DAB1: variants seen among roughly 807,000 people sequenced by gnomAD.
DAB1 encodes DAB adaptor protein 1, also known as disabled homolog 1.
In DAB1, 15 loss-of-function variants were observed where a neutral mutation model predicts 64.6. The observed-to-expected ratio is 0.23, with a 90% CI of 0.16 to 0.36. The LOEUF (loss-of-function observed/expected upper bound fraction) is 0.36. Ranked by LOEUF, DAB1 falls within the 10% of genes least tolerant of loss-of-function variation. The probability of loss-of-function intolerance (pLI) is 1.00; values close to 1 mark genes in which losing one functional copy is unlikely to be tolerated. For synonymous variants in DAB1, 235 were observed against 251.9 expected (o/e 0.93, Z 0.64); for missense variants, 596 against 706.7 (o/e 0.84, Z 1.78).
At chr1:57,360,839 G>A (rs1374988283) in intron 1 of DAB1, among the ~76,000 whole-genome samples, 2 of 152,094 alleles carry the variant, frequency 1.3e-5, no homozygotes, top group Non-Finnish European at 2.9e-5. Flanking sequence ...TGAAATACAT[G>A]AGCACCGGCC....
At chr1:57,553,604 T>C (rs1385974115) in intron 7 of DAB1, among the ~76,000 whole-genome samples, 1 of 151,550 alleles carries the variant, frequency 6.6e-6, no homozygotes, top group Non-Finnish European at 1.5e-5. Flanking sequence ...CCAGAAGACC[T>C]AAACTGCAGT....
chr1:57,133,408 A>T (rs553983841), intron 4 of DAB1, among the ~76,000 whole-genome samples: 12 of 152,334 alleles, frequency 7.9e-5, no homozygotes, highest in African/African-American at 2.2e-4. Context: ...AGGGACACTC[A>T]CAGAACCTCA....
chr1:57,763,513 G>GA, intron 6 of DAB1, among the ~76,000 whole-genome samples: 1 of 151,942 alleles, frequency 6.6e-6, no homozygotes, highest in South Asian at 2.1e-4. Flanking sequence ...TGTTTCTACA[G>GA]AAAAAGGAAA....
chr1:57,445,919 A>AG (rs1221868251), intron 7 of DAB1, among the ~76,000 whole-genome samples: 1 of 152,178 alleles, frequency 6.6e-6, no homozygotes, highest in Admixed American at 6.5e-5. Context: ...ATGAAAAAAA[A>AG]CTGCATCTAT....
chr1:58,065,999 A>C (rs1421928246), intron 5 of DAB1, among the ~76,000 whole-genome samples: 1 of 152,230 alleles, frequency 6.6e-6, no homozygotes, highest in Non-Finnish European at 1.5e-5. Flanking sequence ...GCACTCTCAG[A>C]GGCTGGACCA....
At chr1:58,175,987 C>G (rs141801665) in intron 4 of DAB1, among the ~76,000 whole-genome samples, 1 of 152,330 alleles carries the variant, frequency 6.6e-6, no homozygotes, top group East Asian at 1.9e-4. Context: ...GATGGAAGAT[C>G]TAATAGCACT....
intron 5 of DAB1, among the ~76,000 whole-genome samples, chr1:58,068,418 C>A (rs181597419): frequency 2.6e-5 from 4 of 152,280 alleles, no homozygotes; most frequent in Non-Finnish European, 5.9e-5. Flanking sequence ...AAAAAGATGT[C>A]TGTTTGGATT....
chr1:57,697,422 TAAAAAAAAAA>T (rs56655539), intron 6 of DAB1, among the ~76,000 whole-genome samples: 3 of 57,870 alleles, frequency 5.2e-5, no homozygotes, highest in Admixed American at 2.4e-4. Context: ...CTCACGTTTC[TAAAAAAAAAA>T]AAAAAAAAAA....
chr1:58,429,237 A>T (rs1644847416), intron 3 of DAB1, among the ~76,000 whole-genome samples: 1 of 152,204 alleles, frequency 6.6e-6, no homozygotes, highest in Admixed American at 6.5e-5. Flanking sequence ...TCTCTAAAAA[A>T]AATTGTTTGT....
At chr1:57,706,221 T>C (rs1646965416) in intron 6 of DAB1, among the ~76,000 whole-genome samples, 3 of 152,068 alleles carry the variant, frequency 2.0e-5, no homozygotes, top group Admixed American at 6.6e-5. Flanking sequence ...TGTTAATATT[T>C]ACTCTTCCTT....
chr1:57,119,477 T>G (rs992190896), intron 4 of DAB1, among the ~76,000 whole-genome samples: 1 of 152,152 alleles, frequency 6.6e-6, no homozygotes, highest in African/African-American at 2.4e-5. Context: ...CCCTGACAGT[T>G]ATTCATACTA....
At chr1:57,749,634 C>T (rs1195640470) in intron 6 of DAB1, among the ~76,000 whole-genome samples, 1 of 152,028 alleles carries the variant, frequency 6.6e-6, no homozygotes, top group Non-Finnish European at 1.5e-5. Context: ...ATTTTAGTGG[C>T]CCCTTAATCC....
At chr1:58,353,055 T>C (rs955533954) in intron 3 of DAB1, among the ~76,000 whole-genome samples, 1 of 152,130 alleles carries the variant, frequency 6.6e-6, no homozygotes, top group Non-Finnish European at 1.5e-5. Context: ...AATGCCACTG[T>C]CTGGAGTTAT....
At chr1:57,361,677 G>A (rs1170618816) in intron 1 of DAB1, among the ~76,000 whole-genome samples, 1 of 151,994 alleles carries the variant, frequency 6.6e-6, no homozygotes, top group African/African-American at 2.4e-5. Flanking sequence ...TAAGACTTCT[G>A]TATTTCTGCC....
In DAB1 at chr1:57,553,432, A is replaced by AAG. The variant is rs1382935207; in HGVS notation, n.625+96158_625+96159dup. ...AAAGAAAGAAAGAAAGAAAGAAAGA[A>AAG]AGAAAGAAAGAGAAAGAAAGAAAGA... On this transcript the variant is annotated intron_variant and non_coding_transcript_variant, in intron 7 of 20. Coordinates refer to the DAB1 transcript ENST00000485760. Among the ~76,000 whole-genome samples the AAG allele has an allele frequency of 3.5e-3, 61 of 17,448 alleles. 4 individuals carry two copies. Among genetic ancestry groups the AAG allele is most frequent in the Non-Finnish European group, 0.013 (20 of 1,542 alleles). 11.4% of individuals were successfully genotyped at this position (17,448 alleles called of 152,430 possible). A position where few individuals can be genotyped will look rare whatever the true frequency, so the allele number is the denominator to read the frequency against.
At chr1:57,782,949 T>A (rs1430477298) in intron 6 of DAB1, among the ~76,000 whole-genome samples, 1 of 152,020 alleles carries the variant, frequency 6.6e-6, no homozygotes, top group Admixed American at 6.6e-5. Context: ...TTAGCATGAA[T>A]GGTTGAAAAT....
intron 5 of DAB1, among the ~76,000 whole-genome samples, chr1:57,933,399 C>A (rs957988867): frequency 1.3e-5 from 2 of 151,692 alleles, no homozygotes; most frequent in African/African-American, 4.9e-5. Context: ...AAGCTTCTCA[C>A]ATGCCAGTAG....
chr1:58,186,530 C>A (rs1466466885), intron 4 of DAB1, among the ~76,000 whole-genome samples: 2 of 151,650 alleles, frequency 1.3e-5, no homozygotes, highest in Non-Finnish European at 2.9e-5. Context: ...ACTTTTTTTT[C>A]TTTTTAAAGA....
chr1:57,339,643 A>T (rs1203868295), intron 1 of DAB1, among the ~76,000 whole-genome samples: 1 of 152,236 alleles, frequency 6.6e-6, no homozygotes, highest in African/African-American at 2.4e-5. Flanking sequence ...AGGTCCTAAC[A>T]GTCTCATTTT....
Sources: gnomAD v4.1 joint callset for allele counts (sites outside exome capture counted in the v4.1 genomes callset) on GRCh38, gnomAD v4.1.1 for gene constraint, MANE v1.5 for transcripts, NCBI Gene and HGNC (gene_info 2026-07-23, HGNC 2026-07-21) for gene names.